PRPSAP1: variants seen among roughly 807,000 people sequenced by gnomAD.
PRPSAP1 encodes the protein phosphoribosyl pyrophosphate synthase-associated protein 1.
In PRPSAP1, 31 loss-of-function variants were observed where a neutral mutation model predicts 39.4. The observed-to-expected ratio is 0.79, with a 90% confidence interval of 0.59 to 1.06. The LOEUF (loss-of-function observed/expected upper bound fraction) is 1.06. Ranked by LOEUF, PRPSAP1 falls within the 50% of genes least tolerant of loss-of-function variation. PRPSAP1 has a pLI of 0.00. For synonymous variants in PRPSAP1, 212 were observed against 192.6 expected (o/e 1.10, Z -0.83); for missense variants, 430 against 511.6 (o/e 0.84, Z 1.54).
intron 2 of PRPSAP1, chr17:76,346,046 C>A: frequency 2.4e-6 from 1 of 415,378 alleles, no homozygotes; most frequent in South Asian, 1.9e-5. Flanking sequence ...GGGAATGACT[C>A]TATGGGAAGT....
intron 4 of PRPSAP1, among the ~76,000 whole-genome samples, chr17:76,330,942 A>G: frequency 6.6e-6 from 1 of 152,212 alleles, no homozygotes; most frequent in East Asian, 1.9e-4. Context: ...ATAATGTGGC[A>G]GAAGCAAAAA....
chr17:76,350,293 G>C (rs2071553889), intron 1 of PRPSAP1, among the ~76,000 whole-genome samples: 1 of 151,894 alleles, frequency 6.6e-6, no homozygotes, highest in Non-Finnish European at 1.5e-5. Flanking sequence ...CAAAAAATTA[G>C]CCGGGCGTGG....
rs1456472311 is a variant in PRPSAP1 at position 76,330,109 on chromosome 17, A to C, written c.580-11T>G. On this transcript the variant is annotated splice_polypyrimidine_tract_variant and intron_variant, in intron 5 of 9. Coordinates refer to ENST00000446526, the MANE Select transcript of PRPSAP1 (RefSeq NM_002766.3). Reference sequence around the variant, plus strand: ...TCTGTAATTTGGAATCTAGATTTGAAGGAAAAATAGAAAATACTGAAAAGT... The same window carrying C: ...TCTGTAATTTGGAATCTAGATTTGACGGAAAAATAGAAAATACTGAAAAGT... 6.2e-7 allele frequency: 1 copy of C among 1,607,910 alleles called. No homozygotes were observed. Among genetic ancestry groups the C allele is most frequent in the Non-Finnish European group, 8.5e-7 (1 of 1,174,468 alleles).
chr17:76,353,290 G>A (rs1464904728), intron 1 of PRPSAP1: 1 of 484,466 alleles, frequency 2.1e-6, no homozygotes, highest in South Asian at 3.1e-5. Flanking sequence ...AGGCAGGCAG[G>A]CCGCGGACCC....
chr17:76,342,631 C>A (rs888168089), intron 3 of PRPSAP1, among the ~76,000 whole-genome samples: 1 of 151,068 alleles, frequency 6.6e-6, no homozygotes, highest in African/African-American at 2.4e-5. Flanking sequence ...GTGGGAGGAT[C>A]GCTTTGAGTT....
intron 9 of PRPSAP1, among the ~76,000 whole-genome samples, chr17:76,312,087 C>A (rs990047198): frequency 6.6e-6 from 1 of 152,168 alleles, no homozygotes; most frequent in Admixed American, 6.5e-5. Context: ...TAACTCTCAA[C>A]TTATGACAGG....
chr17:76,334,862 A>T (rs1417132955), intron 3 of PRPSAP1, among the ~76,000 whole-genome samples: 1 of 152,228 alleles, frequency 6.6e-6, no homozygotes, highest in Non-Finnish European at 1.5e-5. Flanking sequence ...AGCAATTATC[A>T]AACACTTTCA....
intron 3 of PRPSAP1, among the ~76,000 whole-genome samples, chr17:76,343,936 T>C (rs967006210): frequency 3.9e-5 from 6 of 152,112 alleles, no homozygotes; most frequent in Admixed American, 6.6e-5. Context: ...TAGTTTAACA[T>C]GCAAACGAAT....
intron 3 of PRPSAP1, among the ~76,000 whole-genome samples, chr17:76,341,863 C>T (rs919635120): frequency 6.6e-6 from 1 of 152,060 alleles, no homozygotes; most frequent in Admixed American, 6.6e-5. Context: ...GGCGTGAACT[C>T]GGGAGGCGGA....
At chr17:76,316,189 A>AG (rs1414481034) in intron 7 of PRPSAP1, among the ~76,000 whole-genome samples, 1 of 146,516 alleles carries the variant, frequency 6.8e-6, no homozygotes, top group African/African-American at 2.7e-5. Flanking sequence ...AAAAAAAAAA[A>AG]AAGAAAAAAA....
At chr17:76,338,798 C>T (rs2071405187) in intron 3 of PRPSAP1, among the ~76,000 whole-genome samples, 1 of 151,974 alleles carries the variant, frequency 6.6e-6, no homozygotes, top group South Asian at 2.1e-4. Flanking sequence ...CTTTGGGAGG[C>T]CGAGGTGGAT....
At chr17:76,342,375 C>T (rs531911678) in intron 3 of PRPSAP1, among the ~76,000 whole-genome samples, 11 of 152,208 alleles carry the variant, frequency 7.2e-5, no homozygotes, top group African/African-American at 2.2e-4. Flanking sequence ...GAGGGACATT[C>T]GACAAAGTAA....
intron 1 of PRPSAP1, among the ~76,000 whole-genome samples, chr17:76,352,657 A>AG (rs1369204543): frequency 6.6e-6 from 1 of 151,034 alleles, no homozygotes; most frequent in East Asian, 1.9e-4. Flanking sequence ...AAAAAAAAAA[A>AG]AAAAAAAAAA....
intron 7 of PRPSAP1, among the ~76,000 whole-genome samples, chr17:76,317,866 T>C (rs2071141839): frequency 6.6e-6 from 1 of 152,236 alleles, no homozygotes; most frequent in Non-Finnish European, 1.5e-5. Context: ...GCCCATCATC[T>C]GTATCAAGTC....
upstream of PRPSAP1, chr17:76,354,118 T>A: frequency 8.9e-6 from 9 of 1,009,352 alleles, no homozygotes; most frequent in Non-Finnish European, 1.1e-5. Context: ...GCAGCCTACC[T>A]CGGTAGTGGC....
At chr17:76,337,216 A>C (rs374313) in intron 3 of PRPSAP1, 127,838 of 152,176 alleles carry the variant, frequency 0.84, 54,063 homozygotes, top group African/African-American at 0.93. Context: ...TCATGCCCAG[A>C]CAACCAACTA....
intron 3 of PRPSAP1, among the ~76,000 whole-genome samples, chr17:76,336,255 T>G (rs141025733): frequency 2.6e-5 from 4 of 151,844 alleles, no homozygotes; most frequent in African/African-American, 9.7e-5. Context: ...CTAACCAACA[T>G]GGTGAAAGCC....
At chr17:76,318,623 A>G (rs772806716) in intron 7 of PRPSAP1, among the ~76,000 whole-genome samples, 2 of 152,180 alleles carry the variant, frequency 1.3e-5, no homozygotes, top group Non-Finnish European at 2.9e-5. Flanking sequence ...AGGCATATTT[A>G]ATTTGGGAGG....
chr17:76,325,552 G>A (rs1012807888), intron 7 of PRPSAP1, among the ~76,000 whole-genome samples: 4 of 148,692 alleles, frequency 2.7e-5, no homozygotes, highest in Admixed American at 1.4e-4. Flanking sequence ...CATCAACATC[G>A]AGGCAAGACC....
Sources: allele counts gnomAD v4.1 joint callset (sites outside exome capture counted in the v4.1 genomes callset), GRCh38; gene constraint gnomAD v4.1.1; transcripts MANE v1.5; gene names NCBI Gene and HGNC (gene_info 2026-07-23, HGNC 2026-07-21).